The following GRIA1 variants were observed in gnomAD, a reference collection of about 807,000 sequenced individuals.
GRIA1 encodes glutamate ionotropic receptor AMPA type subunit 1.
Under a neutral mutation model 99.2 loss-of-function variants are expected in GRIA1, and 31 were observed. The observed-to-expected ratio is 0.31, with a 90% CI of 0.23 to 0.42. The LOEUF is 0.42. Ranked by LOEUF, GRIA1 falls within the 10% of genes least tolerant of loss-of-function variation. GRIA1 has a pLI of 1.00. For synonymous variants in GRIA1, 438 were observed against 432.4 expected, an observed-to-expected ratio of 1.01 and a Z score of -0.16; for missense variants, 782 against 1,157.5, an observed-to-expected ratio of 0.68 and a Z score of 4.71.
rs187361253 is a variant in GRIA1, at chr5:153,647,821, A to G, written c.460+654A>G. Reference sequence around the variant, plus strand: ...ATGTTTTCTATACTTTTTCTTCTCTATGTCTTTACTCATGTTATTCCAGTT... The same window carrying G: ...ATGTTTTCTATACTTTTTCTTCTCTGTGTCTTTACTCATGTTATTCCAGTT... On this transcript the variant is annotated intron_variant, in intron 3 of 15. Transcript: ENST00000285900. Among the ~76,000 whole-genome samples, 256 of 152,094 alleles carry G rather than the reference A, an allele frequency of 1.7e-3. 2 individuals are homozygous for G. Among genetic ancestry groups the G allele is most frequent in the African/African-American group, 6.0e-3 (248 of 41,480 alleles).
At chr5:153,598,855 G>C (rs1581297833) in intron 2 of GRIA1, among the ~76,000 whole-genome samples, 1 of 152,018 alleles carries the variant, frequency 6.6e-6, no homozygotes, top group African/African-American at 2.4e-5. Flanking sequence ...CTTCCGTGGA[G>C]TGGGGCTATT....
At chr5:153,657,082 C>T (rs1755013229) in intron 5 of GRIA1, among the ~76,000 whole-genome samples, 1 of 152,094 alleles carries the variant, frequency 6.6e-6, no homozygotes, top group Admixed American at 6.6e-5. Flanking sequence ...GAGCATATAC[C>T]ACATTTTCTT....
intron 5 of GRIA1, among the ~76,000 whole-genome samples, chr5:153,658,600 C>T (rs995715016): frequency 1.1e-4 from 16 of 152,058 alleles, no homozygotes; most frequent in African/African-American, 3.9e-4. Flanking sequence ...GTTTTCTTCC[C>T]CCTTCAGAGG....
chr5:153,785,530 A>G (rs1764918622), intron 13 of GRIA1, among the ~76,000 whole-genome samples: 1 of 152,224 alleles, frequency 6.6e-6, no homozygotes, highest in Admixed American at 6.5e-5. Context: ...TTAATAACAG[A>G]AGGAATATGT....
chr5:153,616,573 G>A (rs1384813753), intron 2 of GRIA1, among the ~76,000 whole-genome samples: 1 of 152,178 alleles, frequency 6.6e-6, no homozygotes, highest in East Asian at 1.9e-4. Context: ...GTGGCTCACA[G>A]GCCACAGGTT....
intron 2 of GRIA1, among the ~76,000 whole-genome samples, chr5:153,514,655 G>T (rs1204608432): frequency 6.6e-6 from 1 of 152,078 alleles, no homozygotes; most frequent in Non-Finnish European, 1.5e-5. Flanking sequence ...GCTTAAAATT[G>T]CTTTGGCTGT....
chr5:153,490,523 C>T, upstream of GRIA1: 1 of 339,378 alleles, frequency 2.9e-6, no homozygotes, highest in South Asian at 2.9e-5. Flanking sequence ...TGGGTATTAG[C>T]ATAGAGCTTG....
intron 2 of GRIA1, among the ~76,000 whole-genome samples, chr5:153,634,602 C>T (rs944688168): frequency 4.3e-4 from 65 of 152,266 alleles, no homozygotes; most frequent in African/African-American, 1.5e-3. Context: ...CTCAGAGCCT[C>T]AGAGTTCAAA....
chr5:153,718,007 T>C (rs1403140824), intron 11 of GRIA1, among the ~76,000 whole-genome samples: 1 of 152,212 alleles, frequency 6.6e-6, no homozygotes, highest in Non-Finnish European at 1.5e-5. Flanking sequence ...TTGCTTTATT[T>C]TGGTTCTGGC....
chr5:153,769,978 G>A (rs1002623899), intron 12 of GRIA1, among the ~76,000 whole-genome samples, 190 bp from the exon 13 acceptor site: 1 of 152,104 alleles, frequency 6.6e-6, no homozygotes, highest in Non-Finnish European at 1.5e-5. Flanking sequence ...GAATTTGCAA[G>A]ATATTTGTAC....
At chr5:153,503,894 G>A (rs1755239927) in intron 2 of GRIA1, among the ~76,000 whole-genome samples, 1 of 152,126 alleles carries the variant, frequency 6.6e-6, no homozygotes, top group Admixed American at 6.6e-5. Flanking sequence ...ACTGAGACAT[G>A]CCCTCTAGAT....
chr5:153,695,003 T>G (rs1306677649), intron 8 of GRIA1, among the ~76,000 whole-genome samples: 3 of 152,140 alleles, frequency 2.0e-5, no homozygotes, highest in African/African-American at 7.2e-5. Context: ...AAAAAAACCT[T>G]AGGACCATCT....
intron 7 of GRIA1, among the ~76,000 whole-genome samples, chr5:153,682,569 G>A (rs1018412383): frequency 4.6e-5 from 7 of 151,996 alleles, no homozygotes; most frequent in South Asian, 2.1e-4. Context: ...AGATTATGTC[G>A]GATCATCCTC....
intron 13 of GRIA1, among the ~76,000 whole-genome samples, chr5:153,786,622 A>G (rs1764976862): frequency 6.6e-6 from 1 of 152,176 alleles, no homozygotes; most frequent in African/African-American, 2.4e-5. Flanking sequence ...CTTTACTCTG[A>G]AGGCTTTATA....
chr5:153,762,658 C>A (rs1334210469), intron 11 of GRIA1, among the ~76,000 whole-genome samples: 11 of 152,114 alleles, frequency 7.2e-5, no homozygotes, highest in East Asian at 3.9e-4. Context: ...CCCATGTGAA[C>A]CTTGACCCCT....
chr5:153,541,742 C>T (rs561043427), intron 2 of GRIA1, among the ~76,000 whole-genome samples: 30 of 151,994 alleles, frequency 2.0e-4, no homozygotes, highest in African/African-American at 7.0e-4. Flanking sequence ...CCATCCTGGC[C>T]AACATAGTGA....
At chr5:153,705,141 C>T (rs1382598229) in intron 10 of GRIA1, among the ~76,000 whole-genome samples, 1 of 152,076 alleles carries the variant, frequency 6.6e-6, no homozygotes, top group Non-Finnish European at 1.5e-5. Flanking sequence ...CAGGGTAAGC[C>T]CTGAATTTAC....
At chr5:153,797,350 C>A (rs928953050) in intron 14 of GRIA1, among the ~76,000 whole-genome samples, 5 of 152,214 alleles carry the variant, frequency 3.3e-5, no homozygotes, top group African/African-American at 1.2e-4. Context: ...ACCCTGGATC[C>A]TGTCCAAAGT....
chr5:153,643,741 T>G (rs2149449501), intron 2 of GRIA1, among the ~76,000 whole-genome samples: 1 of 152,336 alleles, frequency 6.6e-6, no homozygotes, highest in African/African-American at 2.4e-5. Context: ...ATGCACCCTC[T>G]TAGCCTTAGA....
Sources: allele counts gnomAD v4.1 joint callset (sites outside exome capture counted in the v4.1 genomes callset), GRCh38; gene constraint gnomAD v4.1.1; transcripts MANE v1.5; gene names NCBI Gene and HGNC (gene_info 2026-07-23, HGNC 2026-07-21).